Variants in SEMA4A observed in about 807,000 individuals in gnomAD.
The protein encoded by SEMA4A is semaphorin 4A, also known as semaphorin-4A.
SEMA4A carries 52 observed loss-of-function variants against 72.5 expected under a neutral mutation model. That is an observed-to-expected ratio of 0.72 (90% confidence interval 0.57 to 0.90). SEMA4A has a LOEUF of 0.90. Ranked by LOEUF, SEMA4A falls within the 40% of genes least tolerant of loss-of-function variation. SEMA4A has a pLI of 0.00. For synonymous variants in SEMA4A, 369 were observed against 393.1 expected, an observed-to-expected ratio of 0.94 and a Z score of 0.73; for missense variants, 926 against 959.7, an observed-to-expected ratio of 0.96 and a Z score of 0.46.
chr1:156,159,919 GAAAAAAAA>G (rs34564497), intron 6 of SEMA4A, among the ~76,000 whole-genome samples: 33 of 102,404 alleles, frequency 3.2e-4, no homozygotes, highest in African/African-American at 1.2e-3. Flanking sequence ...ACCCTGTCTT[GAAAAAAAA>G]AAAAAAAAAA....
At position 156,174,952 on chromosome 1, in the gene SEMA4A, C is replaced by A. The variant is rs114835695; in HGVS notation, c.1434+12C>A. 1,369 of 1,614,236 alleles carry A rather than the reference C, an allele frequency of 8.5e-4. 16 individuals are homozygous for A. In the African/African-American group the frequency reaches 0.016, roughly 19 times the overall value. On this transcript the variant is annotated intron_variant, in intron 12 of 14. Coordinates refer to ENST00000368285, the MANE Select transcript of SEMA4A (RefSeq NM_022367.4). Reference sequence around the variant, plus strand: ...TGGCCCCCACCCAGGTGGGAAGGGACCTGACCATCAAATGGCCTTCCAGTG... The same window carrying A: ...TGGCCCCCACCCAGGTGGGAAGGGAACTGACCATCAAATGGCCTTCCAGTG...
upstream of SEMA4A, among the ~76,000 whole-genome samples, chr1:156,152,428 G>T (rs1314118629): frequency 1.3e-5 from 2 of 152,210 alleles, no homozygotes; most frequent in Admixed American, 1.3e-4. Flanking sequence ...TTTAAGCAGA[G>T]AGGCCCAGGG....
intron 10 of SEMA4A, among the ~76,000 whole-genome samples, chr1:156,165,887 GA>G (rs1415553522): frequency 7.0e-6 from 1 of 142,664 alleles, no homozygotes; most frequent in Admixed American, 7.2e-5. Flanking sequence ...GAGTTTTCTT[GA>G]ACTATATCTT....
At chr1:156,153,001 G>A (rs771908840), upstream of SEMA4A, among the ~76,000 whole-genome samples, 5 of 152,060 alleles carry the variant, frequency 3.3e-5, no homozygotes, top group Non-Finnish European at 5.9e-5. Flanking sequence ...TGGGGGTTGG[G>A]TGCCTCCAAA....
Position 156,177,022 on chromosome 1 carries a change from G to C in SEMA4A, c.*25G>C. The C allele has an allele frequency of 6.3e-7, 1 of 1,597,234 alleles. No homozygotes were observed. The highest frequency in any genetic ancestry group is 8.5e-7 in the Non-Finnish European group (1 of 1,175,726). On this transcript the variant is annotated 3_prime_UTR_variant, in exon 15 of 15. Coordinates refer to ENST00000368285, the MANE Select transcript of SEMA4A (RefSeq NM_022367.4). ...AACTCTAGGCACAGGCCGGGGCTGC[G>C]GTGCAGGCACCTGGCCATGCTGGCT...
At chr1:156,173,058 C>G in intron 11 of SEMA4A, 52 bp downstream of exon 11, 1 of 1,571,614 alleles carries the variant, frequency 6.4e-7, no homozygotes, top group Non-Finnish European at 8.7e-7. Context: ...AGAGGATGCC[C>G]CCAGGTTGAG....
At chr1:156,165,385 A>G (rs1351981206) in intron 10 of SEMA4A, among the ~76,000 whole-genome samples, 1 of 147,550 alleles carries the variant, frequency 6.8e-6, no homozygotes, top group African/African-American at 2.5e-5. Context: ...CAACTATTTC[A>G]TTTTGGTGGA....
At chr1:156,158,015 T>C in intron 3 of SEMA4A, 55 bp from the exon 4 acceptor site, 1 of 1,584,340 alleles carries the variant, frequency 6.3e-7, no homozygotes, top group South Asian at 1.1e-5. Context: ...AGGTCACAGC[T>C]AGAACTGAGG....
chr1:156,170,353 A>C (rs1279274081), intron 10 of SEMA4A, among the ~76,000 whole-genome samples: 1 of 149,318 alleles, frequency 6.7e-6, no homozygotes, highest in Non-Finnish European at 1.5e-5. Flanking sequence ...AATCCCAGCT[A>C]CTTGGGAGGC....
chr1:156,162,690 A>G (rs148682346), intron 9 of SEMA4A, among the ~76,000 whole-genome samples: 60 of 152,374 alleles, frequency 3.9e-4, no homozygotes, highest in African/African-American at 1.3e-3. Flanking sequence ...CTGAGCCCCA[A>G]TTAATTCTCA....
chr1:156,174,131 G>A (rs1480065595), intron 11 of SEMA4A, among the ~76,000 whole-genome samples: 1 of 152,082 alleles, frequency 6.6e-6, no homozygotes, highest in Non-Finnish European at 1.5e-5. Context: ...AATAGCCATT[G>A]TGGAAAGAGG....
intron 2 of SEMA4A, chr1:156,155,003 C>T (rs1383340311): frequency 2.1e-6 from 1 of 486,344 alleles, no homozygotes; most frequent in Non-Finnish European, 3.7e-6. Flanking sequence ...TTCTTTCCTT[C>T]CTTAAATATC....
In SEMA4A at chr1:156,160,914, C is replaced by T; in HGVS notation, c.695C>T (p.Ser232Phe). The T allele has an allele frequency of 6.2e-7, 1 of 1,613,700 alleles. No homozygotes were observed. Among genetic ancestry groups the T allele is most frequent in the Non-Finnish European group, 8.5e-7 (1 of 1,179,944 alleles). Reference protein sequence around the residue: ...NFLRWLHHDASFVAAIPSTQV... With the variant: ...NFLRWLHHDAFFVAAIPSTQV... ...TGCCCCTCCCCCGCAGATGACGCCTCCTTTGTGGCAGCCATCCCTTCGACC... is the reference window on the plus strand; with the variant it reads ...TGCCCCTCCCCCGCAGATGACGCCTTCTTTGTGGCAGCCATCCCTTCGACC... Residue 232 changes from serine (S) to phenylalanine (F), a missense_variant, in exon 8 of 15, where the codon TCC (serine) becomes TTC (phenylalanine). Physicochemically the swap from Ser to Phe is radical, Grantham distance 155. Transcript: ENST00000368285.
intron 3 of SEMA4A, 24 bp from the exon 4 acceptor site, chr1:156,158,044 TCG>T: frequency 6.2e-7 from 1 of 1,613,432 alleles, no homozygotes; most frequent in South Asian, 1.1e-5. Flanking sequence ...TCTTTTCATC[TCG>T]CCCTCCCAAC....
Position 156,157,983 on chromosome 1 carries a change from C to G in SEMA4A, c.301-87C>G. The G allele has an allele frequency of 7.5e-7, 1 of 1,334,716 alleles. No individual in the cohort carries two copies. Among genetic ancestry groups the G allele is most frequent in the East Asian group, 2.4e-5 (1 of 41,972 alleles). The allele number at this position is 1,334,716 out of a possible 1,614,324, so 82.7% of individuals were successfully genotyped here. On this transcript the variant is annotated intron_variant, in intron 3 of 14. Transcript: ENST00000368285. This position sits in a 1 kb window ranked among gnomAD's most constrained non-coding sequence, Gnocchi z 4.5. ...ACCACCATGTCTGCTGGTTATTTCA[C>G]ATCAGAGCAGAGAAGGGAGGCAGGT...
intron 10 of SEMA4A, among the ~76,000 whole-genome samples, chr1:156,163,577 C>A (rs1363124648): frequency 6.6e-6 from 1 of 151,672 alleles, no homozygotes; most frequent in Non-Finnish European, 1.5e-5. Flanking sequence ...CAAAAATTAG[C>A]CAGGCATGGT....
chr1:156,153,166 A>C (rs1173930205), upstream of SEMA4A, among the ~76,000 whole-genome samples: 1 of 152,134 alleles, frequency 6.6e-6, no homozygotes, highest in African/African-American at 2.4e-5. Context: ...AGCCTAATAC[A>C]ATTATTTTAT....
In SEMA4A at chr1:156,177,461, C is replaced by T. The variant is rs1655459409; in HGVS notation, c.*464C>T. 3.7e-6 allele frequency: 1 copy of T among 266,860 alleles called. No homozygotes were observed. The allele number at this position is 266,860 out of a possible 1,614,324, so 16.5% of individuals were successfully genotyped here. A position where few individuals can be genotyped will look rare whatever the true frequency, so the allele number is the denominator to read the frequency against. On this transcript the variant is annotated 3_prime_UTR_variant, in exon 15 of 15. Transcript: ENST00000368285. ...GCTTTGGACACCAACACTCCCTTCT[C>T]CCAGGGTCATGCAGGGATCTGCTCC...
intron 10 of SEMA4A, among the ~76,000 whole-genome samples, chr1:156,167,415 G>A (rs549471558): frequency 1.6e-4 from 24 of 148,794 alleles, no homozygotes; most frequent in Non-Finnish European, 3.1e-4. Flanking sequence ...ACTTGAGCCC[G>A]GGAGGTCGAG....
Sources: gnomAD v4.1 joint callset for allele counts (sites outside exome capture counted in the v4.1 genomes callset) on GRCh38, gnomAD v4.1.1 for gene constraint, Gnocchi (gnomAD v3.1) non-coding constraint, MANE v1.5 for transcripts, NCBI Gene and HGNC (gene_info 2026-07-23, HGNC 2026-07-21) for gene names.